The following WAC variants were observed in gnomAD, a reference collection of about 807,000 sequenced individuals.
WAC encodes the protein WW domain-containing adapter protein with coiled-coil.
Under a neutral mutation model 79.6 loss-of-function variants are expected in WAC, and 11 were observed. That is an observed-to-expected ratio of 0.14 (90% CI 0.09 to 0.23). The LOEUF is 0.23. Among genes scored for constraint, WAC ranks in the 10% least tolerant of loss-of-function variants. WAC has a pLI of 1.00. For synonymous variants in WAC, 304 were observed against 276.9 expected (o/e 1.10, Z -0.97); for missense variants, 728 against 773.5 (o/e 0.94, Z 0.70).
chr10:28,579,655 A>G (rs1200349694), intron 3 of WAC, among the ~76,000 whole-genome samples: 1 of 152,184 alleles, frequency 6.6e-6, no homozygotes, highest in East Asian at 1.9e-4. Context: ...AATCATAACC[A>G]CCATTACCCC....
intron 7 of WAC, among the ~76,000 whole-genome samples, chr10:28,604,607 C>T (rs980430665): frequency 2.2e-4 from 34 of 152,070 alleles, no homozygotes; most frequent in African/African-American, 7.7e-4. Context: ...GTGGCATGCA[C>T]CTGTAATTCC....
In WAC at chr10:28,533,598, A is replaced by C; in HGVS notation, c.19A>C (p.Lys7Gln). ...GGCATTGATGGTAATGTATGCGAGGAAACAGCAGAGACTCAGTGATGGGTA... is the reference window on the plus strand; with the variant it reads ...GGCATTGATGGTAATGTATGCGAGGCAACAGCAGAGACTCAGTGATGGGTA... MVMYARKQQRLSDGCHD... is the reference protein window; with the variant it reads MVMYARQQQRLSDGCHD... The change falls in exon 1 of 14, where the codon AAA becomes CAA. Residue 7 changes from lysine (K) to glutamine (Q), a missense_variant. By Grantham distance (53) the Lys-to-Gln change is moderately conservative. Around this residue, in one of 3 missense-constraint regions of WAC, gnomAD observed 648 missense variants for 661.5 expected, o/e 0.98. Coordinates refer to ENST00000354911, the MANE Select transcript of WAC (RefSeq NM_016628.5). 1 of 1,591,256 alleles carries C rather than the reference A, an allele frequency of 6.3e-7. No individual in the cohort carries two copies. Among genetic ancestry groups the C allele is most frequent in the Non-Finnish European group, 8.6e-7 (1 of 1,168,178 alleles).
In WAC at chr10:28,589,790, T is replaced by G. The variant is rs1839997450; in HGVS notation, c.436T>G (p.Tyr146Asp). ...SEHISSSGKK[Y>D]YYNCRTEVSQ... ...GCATATTAGCTCTTCTGGGAAAAAG[T>G]ACTACTACAATTGTCGAACAGAAGT... Residue 146 changes from tyrosine (Y) to aspartate (D), a missense_variant, in exon 5 of 14, where the codon TAC becomes GAC. Around this residue, in one of 3 missense-constraint regions of WAC, gnomAD observed 648 missense variants for 661.5 expected, o/e 0.98. Transcript: ENST00000354911. The G allele has an allele frequency of 6.2e-7, 1 of 1,613,838 alleles. No individual in the cohort carries two copies.
chr10:28,590,675 C>T lies in WAC; in HGVS notation c.498-45C>T, dbSNP rs768646982. Reference sequence around the variant, plus strand: ...GAGCTGTTTAGTATGGAAACTCATGCCCTTAATGTAATTTTTATATGTTTA... The same window carrying T: ...GAGCTGTTTAGTATGGAAACTCATGTCCTTAATGTAATTTTTATATGTTTA... On this transcript the variant is annotated intron_variant, in intron 5 of 13. Transcript: ENST00000354911. 11 of 1,485,770 alleles carry T rather than the reference C, an allele frequency of 7.4e-6. No homozygotes were observed. The South Asian group carries it at 1.4e-4, about 19-fold the overall frequency. The allele number at this position is 1,485,770 out of a possible 1,614,324, so 92.0% of individuals were successfully genotyped here.
chr10:28,613,200 C>T (rs997461878), intron 10 of WAC, among the ~76,000 whole-genome samples: 1 of 152,174 alleles, frequency 6.6e-6, no homozygotes, highest in Non-Finnish European at 1.5e-5. Flanking sequence ...AACCCGGTCT[C>T]TACTAAAAGT....
At chr10:28,617,518 G>C in intron 12 of WAC, 139 bp from the exon 13 acceptor site, 1 of 722,428 alleles carries the variant, frequency 1.4e-6, no homozygotes, top group Non-Finnish European at 2.0e-6. Flanking sequence ...TCCCCATTAG[G>C]TTCACCAGCA....
At chr10:28,580,613 C>T (rs1232477404) in intron 3 of WAC, among the ~76,000 whole-genome samples, 1 of 152,078 alleles carries the variant, frequency 6.6e-6, no homozygotes, top group Non-Finnish European at 1.5e-5. Flanking sequence ...TTTTCCATTA[C>T]TGTCGACAAA....
rs559001770 is a variant in WAC, at chr10:28,542,498, C to T, written c.274+6741C>T. Among the ~76,000 whole-genome samples, 6 of 152,230 alleles carry T rather than the reference C, an allele frequency of 3.9e-5. No individual in the cohort carries two copies. The South Asian group carries it at 8.3e-4, about 21-fold the overall frequency. On this transcript the variant is annotated intron_variant, in intron 3 of 13. Transcript: ENST00000354911. The stretch of plus-strand genomic sequence containing the variant: ...ATAAAAATTGTAACTTAGTTTTACA[C>T]GTATAAAATGGTTAAAGAATAACAC...
chr10:28,550,816 T>A (rs1837625666), intron 3 of WAC, among the ~76,000 whole-genome samples: 2 of 152,020 alleles, frequency 1.3e-5, no homozygotes, highest in East Asian at 3.8e-4. Context: ...ATATAAACTT[T>A]AAAAAAAATT....
chr10:28,544,629 T>G (rs1454580872), intron 3 of WAC, among the ~76,000 whole-genome samples: 1 of 152,114 alleles, frequency 6.6e-6, no homozygotes, highest in African/African-American at 2.4e-5. Flanking sequence ...TTTCTTTGTT[T>G]AGGGTTAGGA....
intron 3 of WAC, among the ~76,000 whole-genome samples, chr10:28,552,537 G>A (rs1162721069): frequency 6.6e-6 from 1 of 152,092 alleles, no homozygotes; most frequent in Non-Finnish European, 1.5e-5. Context: ...TTAATTGGTT[G>A]GCCTTTGGGT....
chr10:28,561,863 A>C (rs541445676), intron 3 of WAC, among the ~76,000 whole-genome samples: 1 of 152,280 alleles, frequency 6.6e-6, no homozygotes, highest in African/African-American at 2.4e-5. Flanking sequence ...CCTTATGAGA[A>C]TCTAACTAAT....
chr10:28,536,897 A>G (rs1174668651), intron 3 of WAC, among the ~76,000 whole-genome samples: 1 of 152,206 alleles, frequency 6.6e-6, no homozygotes, highest in East Asian at 1.9e-4. Context: ...TTCCAAGGAA[A>G]CTCAGTAAAG....
At chr10:28,604,534 C>T (rs1330884312) in intron 7 of WAC, among the ~76,000 whole-genome samples, 1 of 152,084 alleles carries the variant, frequency 6.6e-6, no homozygotes, top group Non-Finnish European at 1.5e-5. Flanking sequence ...GAGTTCGAGA[C>T]CAGCTTGGCC....
chr10:28,614,506 T>G, intron 10 of WAC, 61 bp from the exon 11 acceptor site: 10 of 1,306,442 alleles, frequency 7.7e-6, no homozygotes, highest in Non-Finnish European at 1.1e-5. Context: ...ATTACCTAGA[T>G]TTTGGGGGGA....
At chr10:28,617,572 A>G in intron 12 of WAC, 85 bp from the exon 13 acceptor site, 2 of 1,260,770 alleles carry the variant, frequency 1.6e-6, no homozygotes, top group Non-Finnish European at 2.1e-6. Flanking sequence ...TAATCCTAGT[A>G]TAAAATTGTA....
rs553256094 is a variant in WAC at position 28,555,498 on chromosome 10, TGGTG to T, written c.274+19744_274+19747del. On this transcript the variant is annotated intron_variant, in intron 3 of 13. Transcript: ENST00000354911. ...AACCACTGCAACCAGGTCTTGGGGT[TGGTG>T]GGAGTGTTGGGCTCAACTCTGAATG... Among the ~76,000 whole-genome samples the T allele has an allele frequency of 4.1e-3, 619 of 152,098 alleles. 6 individuals are homozygous for T. Among genetic ancestry groups the T allele is most frequent in the African/African-American group, 0.014 (593 of 41,488 alleles).
At chr10:28,543,954 A>G (rs900165712) in intron 3 of WAC, among the ~76,000 whole-genome samples, 2 of 152,162 alleles carry the variant, frequency 1.3e-5, no homozygotes, top group Non-Finnish European at 2.9e-5. Flanking sequence ...CAGTGGCGCA[A>G]TCTTTGCTCA....
At chr10:28,556,521 G>T (rs1838004456) in intron 3 of WAC, among the ~76,000 whole-genome samples, 2 of 144,146 alleles carry the variant, frequency 1.4e-5, no homozygotes, top group Admixed American at 7.2e-5. Flanking sequence ...TTTTCGTTTT[G>T]TTGATTTTTT....
Sources: gnomAD v4.1 joint callset for allele counts (sites outside exome capture counted in the v4.1 genomes callset) on GRCh38, gnomAD v4.1.1 for gene constraint, gnomAD v4.1.1 regional missense constraint, MANE v1.5 for transcripts, NCBI Gene and HGNC (gene_info 2026-07-23, HGNC 2026-07-21) for gene names.